The following ENAH variants were observed in gnomAD, a reference collection of about 807,000 sequenced individuals.
The protein encoded by ENAH is protein enabled homolog.
Under a neutral mutation model 78.7 loss-of-function variants are expected in ENAH, and 23 were observed. The observed-to-expected ratio is 0.29, with a 90% CI of 0.21 to 0.41. The LOEUF is 0.41. Among genes scored for constraint, ENAH ranks in the 10% least tolerant of loss-of-function variants. The pLI, the probability that ENAH is intolerant of heterozygous loss-of-function variation, is 1.00. For synonymous variants in ENAH, 226 were observed against 241.0 expected (o/e 0.94, Z 0.58); for missense variants, 544 against 691.0 (o/e 0.79, Z 2.39).
intron 1 of ENAH, among the ~76,000 whole-genome samples, chr1:225,650,931 A>G (rs2148523138): frequency 6.6e-6 from 1 of 151,608 alleles, no homozygotes; most frequent in African/African-American, 2.4e-5. Flanking sequence ...CAAAGTTTGA[A>G]ACAACTGATA....
intron 1 of ENAH, among the ~76,000 whole-genome samples, chr1:225,587,433 C>T (rs2096852811): frequency 6.6e-6 from 1 of 151,914 alleles, no homozygotes; most frequent in Non-Finnish European, 1.5e-5. Flanking sequence ...CAATAGCACC[C>T]AAAAAAGAAA....
At chr1:225,561,962 CT>C (rs2096708471) in intron 2 of ENAH, among the ~76,000 whole-genome samples, 1 of 152,132 alleles carries the variant, frequency 6.6e-6, no homozygotes, top group East Asian at 1.9e-4. Context: ...CCTCACTGTG[CT>C]CTATTTTACA....
intron 2 of ENAH, among the ~76,000 whole-genome samples, chr1:225,557,877 A>G (rs2096675069): frequency 6.6e-6 from 1 of 152,186 alleles, no homozygotes; most frequent in Non-Finnish European, 1.5e-5. Context: ...AATTTTATTG[A>G]TATCTTTTAT....
intron 10 of ENAH, among the ~76,000 whole-genome samples, chr1:225,511,030 A>T (rs989660654): frequency 1.1e-4 from 16 of 152,104 alleles, no homozygotes; most frequent in East Asian, 3.9e-4. Flanking sequence ...CAAAAAAATT[A>T]AAAAAATGAA....
intron 12 of ENAH, among the ~76,000 whole-genome samples, chr1:225,500,059 A>G (rs1330242149): frequency 6.6e-6 from 1 of 152,212 alleles, no homozygotes; most frequent in African/African-American, 2.4e-5. Context: ...CCATGTTTTG[A>G]AGCGTGTGGA....
chr1:225,524,544 TAAGACAGCTAAGTTTTAA>T (rs2096491033), intron 4 of ENAH: 2 of 911,888 alleles, frequency 2.2e-6, no homozygotes, highest in African/African-American at 3.6e-5. Context: ...TAAAATGTAA[TAAGACAGCTAAGTTTTAA>T]TATTACAAAG....
At chr1:225,568,531 C>G (rs7548206) in intron 1 of ENAH, among the ~76,000 whole-genome samples, 5,029 of 152,314 alleles carry the variant, frequency 0.033, 114 homozygotes, top group East Asian at 0.091. Context: ...TGAGACTTAA[C>G]AGTCATTAAT....
At chr1:225,586,946 G>A (rs570721417) in intron 1 of ENAH, among the ~76,000 whole-genome samples, 1 of 150,022 alleles carries the variant, frequency 6.7e-6, no homozygotes, top group Non-Finnish European at 1.5e-5. Flanking sequence ...AAAAAAAAGA[G>A]GTGGGGGTGG....
intron 3 of ENAH, among the ~76,000 whole-genome samples, chr1:225,532,034 CAA>C (rs531121852): frequency 6.7e-6 from 1 of 148,440 alleles, no homozygotes; most frequent in Non-Finnish European, 1.5e-5. Flanking sequence ...TAATCAATAA[CAA>C]AAAAAAACAA....
Position 225,552,417 on chromosome 1 carries a change from C to T in ENAH, c.349+2489G>A, listed in dbSNP as rs367718083. Among the ~76,000 whole-genome samples, 59 of 152,256 alleles carry T rather than the reference C, an allele frequency of 3.9e-4. 1 individual carries two copies. The South Asian group carries it at 7.3e-3, about 19-fold the overall frequency. ...CCTCCCAAAGTGCTGGGATTACAGG[C>T]GTGAGCCACCGTGCCCGGCCCTGAT... On this transcript the variant is annotated intron_variant, in intron 3 of 13. Transcript: ENST00000366843.
At chr1:225,514,088 G>C (rs1179292255) in intron 7 of ENAH, among the ~76,000 whole-genome samples, 1 of 152,092 alleles carries the variant, frequency 6.6e-6, no homozygotes, top group African/African-American at 2.4e-5. Context: ...GGTGAATGTA[G>C]GTGATGAATT....
intron 1 of ENAH, among the ~76,000 whole-genome samples, chr1:225,625,940 C>G (rs751925575): frequency 6.6e-6 from 1 of 152,156 alleles, no homozygotes; most frequent in Non-Finnish European, 1.5e-5. Context: ...CCCATTGGTG[C>G]CCACCACAGT....
chr1:225,509,899 A>G (rs1156592091), intron 10 of ENAH, among the ~76,000 whole-genome samples: 7 of 151,914 alleles, frequency 4.6e-5, no homozygotes, highest in Non-Finnish European at 1.0e-4. Flanking sequence ...CCTTCCCCTC[A>G]CTTTCAGCCA....
intron 1 of ENAH, among the ~76,000 whole-genome samples, chr1:225,602,021 G>A (rs941670325): frequency 6.6e-6 from 1 of 151,916 alleles, no homozygotes; most frequent in African/African-American, 2.4e-5. Context: ...GAACAATTAA[G>A]AAGATAACAA....
At chr1:225,625,769 G>A (rs1008764816) in intron 1 of ENAH, among the ~76,000 whole-genome samples, 1 of 152,282 alleles carries the variant, frequency 6.6e-6, no homozygotes, top group East Asian at 1.9e-4. Context: ...ACCCACCTCG[G>A]CCTCCCAAAG....
intron 1 of ENAH, among the ~76,000 whole-genome samples, chr1:225,636,822 T>C (rs926117969): frequency 6.6e-6 from 1 of 152,198 alleles, no homozygotes; most frequent in Non-Finnish European, 1.5e-5. Context: ...TGTCATGAGT[T>C]TATACTCCGT....
intron 1 of ENAH, among the ~76,000 whole-genome samples, chr1:225,594,341 G>C (rs926930720): frequency 6.6e-6 from 1 of 152,180 alleles, no homozygotes; most frequent in African/African-American, 2.4e-5. Flanking sequence ...TGGGGCAACA[G>C]TCTCTCTTCT....
intron 3 of ENAH, among the ~76,000 whole-genome samples, chr1:225,547,220 C>T (rs1344551529): frequency 1.3e-5 from 2 of 151,960 alleles, no homozygotes; most frequent in African/African-American, 4.8e-5. Flanking sequence ...TACAGGTGCG[C>T]ACCACCATGC....
chr1:225,565,294 G>T (rs546656937), intron 2 of ENAH, among the ~76,000 whole-genome samples: 1 of 151,968 alleles, frequency 6.6e-6, no homozygotes, highest in Non-Finnish European at 1.5e-5. Flanking sequence ...AATTAGCCAG[G>T]CATGGTGGCA....
Sources: allele counts gnomAD v4.1 joint callset (sites outside exome capture counted in the v4.1 genomes callset), GRCh38; gene constraint gnomAD v4.1.1; transcripts MANE v1.5; gene names NCBI Gene and HGNC (gene_info 2026-07-23, HGNC 2026-07-21).